The following ZNF34 variants were observed in gnomAD, a reference collection of about 807,000 sequenced individuals.
The protein encoded by ZNF34 is zinc finger protein 34, also known as zinc finger protein 34 (KOX 32).
A neutral mutation model predicts 14.4 loss-of-function variants in ZNF34; 8 were observed. The ratio of observed to expected loss-of-function variants is 0.55; its 90% CI spans 0.33 to 1.00. ZNF34 has a LOEUF of 1.00. ZNF34 is among the 50% of genes least tolerant of loss of function. The probability of loss-of-function intolerance (pLI) is 0.03; values close to 1 mark genes in which losing one functional copy is unlikely to be tolerated. For synonymous variants in ZNF34, 235 were observed against 247.9 expected (o/e 0.95, Z 0.49); for missense variants, 538 against 674.2 (o/e 0.80, Z 2.24).
intron 5 of ZNF34, among the ~76,000 whole-genome samples, chr8:144,774,819 T>C (rs963043431): frequency 4.6e-5 from 7 of 152,168 alleles, no homozygotes; most frequent in African/African-American, 1.7e-4. Context: ...CTTCCTTGAT[T>C]TGACACTCAC....
chr8:144,785,792 G>C (rs928462463), intron 1 of ZNF34, among the ~76,000 whole-genome samples: 2 of 152,050 alleles, frequency 1.3e-5, no homozygotes, highest in Non-Finnish European at 2.9e-5. Context: ...ACTTTATGGA[G>C]ACTCTTGCTA....
rs1825233752 is a variant in ZNF34 at position 144,772,444 on chromosome 8, T to G, written c.*822A>C. On this transcript the variant is annotated 3_prime_UTR_variant, in exon 6 of 6. Transcript: ENST00000429371. The stretch of plus-strand genomic sequence containing the variant: ...ACTTAATGCCACTGAATTGTACACT[T>G]AAAAATGGTTAAAATTGTAAATTTC... 1.3e-5 allele frequency among the ~76,000 whole-genome samples: 2 copies of G among 152,250 alleles called. No individual in the cohort carries two copies. The highest frequency in any genetic ancestry group is 4.1e-4 in the South Asian group (2 of 4,832).
chr8:144,778,431 A>T lies in ZNF34; in HGVS notation c.33+8T>A. 6.4e-7 allele frequency: 1 copy of T among 1,557,788 alleles called. No individual in the cohort carries two copies. The highest frequency in any genetic ancestry group is 8.7e-7 in the Non-Finnish European group (1 of 1,153,446). Reference sequence around the variant, plus strand: ...AACTTCACTCCTCCCAGGAGGACAGACACTCACCTGGGGTGGGGCAGACAG... The same window carrying T: ...AACTTCACTCCTCCCAGGAGGACAGTCACTCACCTGGGGTGGGGCAGACAG... On this transcript the variant is annotated splice_region_variant and intron_variant, in intron 3 of 5. Transcript: ENST00000429371.
At chr8:144,783,335 C>T (rs894096353) in intron 1 of ZNF34, among the ~76,000 whole-genome samples, 1 of 152,096 alleles carries the variant, frequency 6.6e-6, no homozygotes, top group Non-Finnish European at 1.5e-5. Context: ...AAGAGAGGGA[C>T]GTTCCCTCAC....
chr8:144,783,059 G>A (rs1418841518), intron 1 of ZNF34, among the ~76,000 whole-genome samples: 1 of 151,894 alleles, frequency 6.6e-6, no homozygotes, highest in Admixed American at 6.6e-5. Context: ...CCATACTTTG[G>A]GAGGCCAAGG....
intron 1 of ZNF34, among the ~76,000 whole-genome samples, chr8:144,786,612 C>T (rs979121981): frequency 1.3e-5 from 2 of 150,384 alleles, no homozygotes; most frequent in African/African-American, 2.5e-5. Context: ...CCAGCCTGGG[C>T]GACAGAGCGA....
At chr8:144,781,547 T>G (rs1427466558) in intron 1 of ZNF34, among the ~76,000 whole-genome samples, 4 of 152,060 alleles carry the variant, frequency 2.6e-5, no homozygotes, top group Admixed American at 2.6e-4. Flanking sequence ...GGAGCCACCA[T>G]GACCAGTCGA....
chr8:144,781,507 T>C lies in ZNF34; in HGVS notation c.-107-1227A>G, dbSNP rs558342202. On this transcript the variant is annotated intron_variant, in intron 1 of 5. Transcript: ENST00000429371. ...TCCTGACCTTGTGATCTGCCCGCCT[T>C]GGCCTCCCAAAGTGCTGGGATTACA... Among the ~76,000 whole-genome samples, 10 of 152,204 alleles carry C rather than the reference T, an allele frequency of 6.6e-5. No individual in the cohort carries two copies. The East Asian group carries it at 1.7e-3, about 27-fold the overall frequency.
chr8:144,780,384 G>T, intron 1 of ZNF34, 104 bp from the exon 2 acceptor site: 1 of 863,952 alleles, frequency 1.2e-6, no homozygotes, highest in Non-Finnish European at 1.8e-6. Context: ...TATCTTTAAA[G>T]CTTTTTATTT....
At chr8:144,785,090 C>T (rs1374147497) in intron 1 of ZNF34, among the ~76,000 whole-genome samples, 17 of 120,274 alleles carry the variant, frequency 1.4e-4, no homozygotes, top group African/African-American at 5.4e-4. Flanking sequence ...GCACTCCAGC[C>T]TTAGCCAGAC....
chr8:144,776,935 G>A (rs573899793), intron 5 of ZNF34, among the ~76,000 whole-genome samples: 1 of 149,688 alleles, frequency 6.7e-6, no homozygotes, highest in East Asian at 2.0e-4. Flanking sequence ...AAAAAAAGCA[G>A]TGTCAGTACA....
Position 144,773,663 on chromosome 8 carries a change from A to G in ZNF34, c.1223T>C (p.Ile408Thr). 6.2e-7 allele frequency: 1 copy of G among 1,613,916 alleles called. No homozygotes were observed. Among genetic ancestry groups the G allele is most frequent in the Non-Finnish European group, 8.5e-7 (1 of 1,179,934 alleles). ...ATGTTCCACGAGTTTGGTTTTTTGA[A>G]TGAAAGCTTTCTCACATTCATTACA... ...YKCNECEKAFIQKTKLVEHQR... is the reference protein window; with the variant it reads ...YKCNECEKAFTQKTKLVEHQR... Residue 408 changes from isoleucine (I) to threonine (T), a missense_variant, in exon 6 of 6, where the codon ATT (isoleucine) becomes ACT (threonine). Transcript: ENST00000429371. This position sits in a 1 kb window ranked among gnomAD's most constrained non-coding sequence, Gnocchi z 5.4.
chr8:144,783,422 A>C (rs554221973), intron 1 of ZNF34, among the ~76,000 whole-genome samples: 91 of 152,350 alleles, frequency 6.0e-4, no homozygotes, highest in African/African-American at 2.1e-3. Context: ...ATCAGAAGAA[A>C]AAAGACAAAA....
intron 1 of ZNF34, among the ~76,000 whole-genome samples, chr8:144,784,497 C>T (rs1046653889): frequency 1.3e-5 from 2 of 149,378 alleles, no homozygotes; most frequent in African/African-American, 4.9e-5. Context: ...CGGTGACTCA[C>T]GCCTGTAATC....
At chr8:144,785,106 CAAA>C (rs749277788) in intron 1 of ZNF34, among the ~76,000 whole-genome samples, 2 of 50,072 alleles carry the variant, frequency 4.0e-5, no homozygotes, top group African/African-American at 7.6e-5. Context: ...CAGACCCTGC[CAAA>C]AAAAAAAAAA....
chr8:144,782,221 C>G (rs1238263510), intron 1 of ZNF34, among the ~76,000 whole-genome samples: 1 of 152,160 alleles, frequency 6.6e-6, no homozygotes, highest in Non-Finnish European at 1.5e-5. Context: ...ACTCGGGAGG[C>G]TGAGGCAGGA....
chr8:144,773,539 T>C lies in ZNF34; in HGVS notation c.1347A>G (p.Thr449=), dbSNP rs769034182. Residue 449 remains threonine, a synonymous_variant, in exon 6 of 6, where the codon ACA becomes ACG. Transcript: ENST00000429371. This position sits in a 1 kb window ranked among gnomAD's most constrained non-coding sequence, Gnocchi z 5.4. ...CGCTGCACTTGTAGGGCTTCTCTCC[T>C]GTGTGGATTCTCTGGTGCTGGATGA... The part of the protein sequence containing the change: ...THLIQHQRIH[T]GEKPYKCSEC... 3.1e-6 allele frequency: 5 copies of C among 1,613,734 alleles called. No homozygotes were observed. The highest frequency in any genetic ancestry group is 1.7e-4 in the Middle Eastern group (1 of 6,058).
At position 144,773,722 on chromosome 8, in the gene ZNF34, A is replaced by G. The variant is rs748435246; in HGVS notation, c.1164T>C (p.His388=). 3.1e-6 allele frequency: 5 copies of G among 1,613,746 alleles called. No homozygotes were observed. The highest frequency in any genetic ancestry group is 4.2e-6 in the Non-Finnish European group (5 of 1,179,890). The change falls in exon 6 of 6, where the codon CAT becomes CAC. Residue 388 remains histidine, a synonymous_variant. Coordinates refer to ENST00000429371, the MANE Select transcript of ZNF34 (RefSeq NM_001286769.2). The surrounding 1 kb of genome is among the most constrained non-coding windows in gnomAD (Gnocchi z 5.4). ...GTTTCTCTCCAGTGTGAATTCTCTGATGTTGGATAAGGTTAGAACTTTGTG... is the reference window on the plus strand; with the variant it reads ...GTTTCTCTCCAGTGTGAATTCTCTGGTGTTGGATAAGGTTAGAACTTTGTG... ...GFTQSSNLIQ[H]QRIHTGEKPY...
rs1407825154 is a variant in ZNF34 at position 144,779,499 on chromosome 8, CCA to C, written c.-55+727_-55+728del. Among the ~76,000 whole-genome samples, 1 of 152,136 alleles carries C rather than the reference CCA, an allele frequency of 6.6e-6. No individual in the cohort carries two copies. The highest frequency in any genetic ancestry group is 1.5e-5 in the Non-Finnish European group (1 of 68,034). On this transcript the variant is annotated intron_variant, in intron 2 of 5. Transcript: ENST00000429371. This position sits in a 1 kb window ranked among gnomAD's most constrained non-coding sequence, Gnocchi z 4.1. ...CCATACTAGCGTTGGCCCCCTGGAC[CCA>C]CCTTAAGTACTCTTAACCTGTCTTT...
Sources: allele counts gnomAD v4.1 joint callset (sites outside exome capture counted in the v4.1 genomes callset), GRCh38; gene constraint gnomAD v4.1.1; non-coding constraint Gnocchi (gnomAD v3.1); transcripts MANE v1.5; gene names NCBI Gene and HGNC (gene_info 2026-07-23, HGNC 2026-07-21).